Variants in NOL4L observed in about 807,000 individuals in gnomAD.
NOL4L encodes nucleolar protein 4-like.
In NOL4L, 7 loss-of-function variants were observed where a neutral mutation model predicts 64.5. The observed-to-expected ratio is 0.11, with a 90% CI of 0.06 to 0.20. The LOEUF is 0.20. Ranked by LOEUF, NOL4L falls within the 10% of genes least tolerant of loss-of-function variation. NOL4L has a pLI of 1.00. For missense variants in NOL4L, 680 were observed against 967.1 expected, an observed-to-expected ratio of 0.70 and a Z score of 3.94; for synonymous variants, 413 against 401.0, an observed-to-expected ratio of 1.03 and a Z score of -0.36.
At chr20:32,448,243 G>A (rs1408092488) in intron 10 of NOL4L, among the ~76,000 whole-genome samples, 1 of 152,226 alleles carries the variant, frequency 6.6e-6, no homozygotes, top group Admixed American at 6.5e-5. Context: ...CCCAGACACC[G>A]AGGCTGGAAG....
intron 2 of NOL4L, among the ~76,000 whole-genome samples, chr20:32,521,434 C>A (rs966334846): frequency 6.6e-6 from 1 of 152,188 alleles, no homozygotes; most frequent in Admixed American, 6.5e-5. Context: ...TACCAGGCAT[C>A]AGACTTTTCA....
At chr20:32,472,425 C>T (rs1302531431) in intron 5 of NOL4L, among the ~76,000 whole-genome samples, 1 of 152,192 alleles carries the variant, frequency 6.6e-6, no homozygotes, top group Non-Finnish European at 1.5e-5. Flanking sequence ...GGGAGTGGAG[C>T]ACACAGAGGG....
intron 4 of NOL4L, chr20:32,510,555 ACT>A (rs2017352944): frequency 6.4e-6 from 1 of 156,950 alleles, no homozygotes. Context: ...TGGAAGACAG[ACT>A]CGAGTTCTGA....
chr20:32,550,515 G>T (rs2018785912), intron 1 of NOL4L, among the ~76,000 whole-genome samples: 1 of 152,146 alleles, frequency 6.6e-6, no homozygotes, highest in Admixed American at 6.5e-5. Context: ...GGAGGGCGAG[G>T]CGAGCTGATC....
At chr20:32,471,074 C>T (rs1401721533) in intron 5 of NOL4L, among the ~76,000 whole-genome samples, 2 of 152,200 alleles carry the variant, frequency 1.3e-5, no homozygotes, top group East Asian at 3.8e-4. Flanking sequence ...GACCAAGACT[C>T]GCAGCCAGTG....
chr20:32,460,500 G>A lies in NOL4L; in HGVS notation c.842-4105C>T, dbSNP rs987216984. 2.0e-5 allele frequency among the ~76,000 whole-genome samples: 3 copies of A among 152,190 alleles called. No homozygotes were observed. The highest frequency in any genetic ancestry group is 7.2e-5 in the African/African-American group (3 of 41,440). Reference sequence around the variant, plus strand: ...ACTGGGGAGGCCACAGGTTTGAGCCGCGGAGTGGCTGGAAGAGGCTACTCC... The same window carrying A: ...ACTGGGGAGGCCACAGGTTTGAGCCACGGAGTGGCTGGAAGAGGCTACTCC... On this transcript the variant is annotated intron_variant, in intron 5 of 10. Coordinates refer to ENST00000621426, the MANE Select transcript of NOL4L (RefSeq NM_001256798.2). This position sits in a 1 kb window ranked among gnomAD's most constrained non-coding sequence, Gnocchi z 5.7.
intron 1 of NOL4L, among the ~76,000 whole-genome samples, chr20:32,547,681 G>C (rs367872052): frequency 6.6e-6 from 1 of 152,136 alleles, no homozygotes; most frequent in East Asian, 1.9e-4. Context: ...GTTGCAGGTG[G>C]GGACATGCTG....
At chr20:32,583,923 G>A (rs1388890784) in intron 1 of NOL4L, among the ~76,000 whole-genome samples, 1 of 148,778 alleles carries the variant, frequency 6.7e-6, no homozygotes, top group African/African-American at 2.5e-5. Context: ...GGGGGGCTGA[G>A]GGGGCGCCCC....
At chr20:32,570,866 C>T (rs1266238403) in intron 1 of NOL4L, among the ~76,000 whole-genome samples, 5 of 152,158 alleles carry the variant, frequency 3.3e-5, no homozygotes, top group African/African-American at 9.7e-5. Context: ...CAACACTCAC[C>T]GAGCACTCAA....
chr20:32,545,955 T>C (rs1036101037), intron 1 of NOL4L, among the ~76,000 whole-genome samples: 6 of 151,032 alleles, frequency 4.0e-5, no homozygotes, highest in Admixed American at 6.6e-5. Flanking sequence ...CTTTTCTTTT[T>C]TTTTTTTTTT....
chr20:32,552,322 A>G (rs1274709394), intron 1 of NOL4L, among the ~76,000 whole-genome samples: 4 of 152,182 alleles, frequency 2.6e-5, no homozygotes. Flanking sequence ...GGTGACTGGC[A>G]GGCAGGGCCA....
rs112345834 is a variant in NOL4L, at chr20:32,572,007, A to G, written c.321+12563T>C. Among the ~76,000 whole-genome samples the G allele has an allele frequency of 1.5e-3, 223 of 152,242 alleles. 1 individual carries two copies. The highest frequency in any genetic ancestry group is 5.2e-3 in the African/African-American group (215 of 41,528). On this transcript the variant is annotated intron_variant, in intron 1 of 10. Coordinates refer to ENST00000621426, the MANE Select transcript of NOL4L (RefSeq NM_001256798.2). ...TTGTGCCTAATATCCCAAGGTTGGC[A>G]CCCTCTGCCAGGCAGATTCACACCC...
At chr20:32,467,880 G>A (rs2014687570) in intron 5 of NOL4L, among the ~76,000 whole-genome samples, 1 of 152,210 alleles carries the variant, frequency 6.6e-6, no homozygotes, top group African/African-American at 2.4e-5. Context: ...CCGGGCCAAG[G>A]AGAAGAGGCC....
intron 1 of NOL4L, among the ~76,000 whole-genome samples, chr20:32,534,426 C>T (rs955655705): frequency 6.6e-6 from 1 of 152,186 alleles, no homozygotes; most frequent in East Asian, 1.9e-4. Context: ...GTGAGGATGC[C>T]GCTCCATCCC....
At position 32,488,355 on chromosome 20, in the gene NOL4L, T is replaced by G. The variant is rs116414952; in HGVS notation, c.700-13613A>C. On this transcript the variant is annotated intron_variant, in intron 4 of 10. Coordinates refer to ENST00000621426, the MANE Select transcript of NOL4L (RefSeq NM_001256798.2). ...GCAATGCACAGGGCTGTGGAACCAATGGTGCATTGTGGAAATGAGGGTGTG... is the reference window on the plus strand; with the variant it reads ...GCAATGCACAGGGCTGTGGAACCAAGGGTGCATTGTGGAAATGAGGGTGTG... Among the ~76,000 whole-genome samples the G allele has an allele frequency of 3.9e-3, 595 of 152,312 alleles. 3 individuals carry two copies. Among genetic ancestry groups the G allele is most frequent in the Middle Eastern group, 0.014 (4 of 294 alleles).
intron 4 of NOL4L, 89 bp from the exon 5 acceptor site, chr20:32,474,831 G>A: frequency 6.8e-7 from 1 of 1,469,538 alleles, no homozygotes; most frequent in South Asian, 1.4e-5. Context: ...AGGGCCAGTG[G>A]GCGTTTGGGA....
At chr20:32,454,963 T>C (rs1307794940) in intron 6 of NOL4L, among the ~76,000 whole-genome samples, 4 of 152,182 alleles carry the variant, frequency 2.6e-5, no homozygotes, top group Non-Finnish European at 2.9e-5. Context: ...GTTGGTGCCC[T>C]AGGGTCACTG....
intron 3 of NOL4L, among the ~76,000 whole-genome samples, chr20:32,513,690 C>T (rs2017514766): frequency 1.3e-5 from 2 of 152,064 alleles, no homozygotes; most frequent in Admixed American, 1.3e-4. Context: ...TAGTGAGTCC[C>T]TCGTCTCTAC....
chr20:32,466,400 C>A (rs748196593), intron 5 of NOL4L, among the ~76,000 whole-genome samples: 5 of 152,186 alleles, frequency 3.3e-5, no homozygotes, highest in African/African-American at 4.8e-5. Flanking sequence ...GGTGCTGTCT[C>A]CCAGCGTCTC....
Sources: gnomAD v4.1 joint callset for allele counts (sites outside exome capture counted in the v4.1 genomes callset) on GRCh38, gnomAD v4.1.1 for gene constraint, Gnocchi (gnomAD v3.1) non-coding constraint, MANE v1.5 for transcripts, NCBI Gene and HGNC (gene_info 2026-07-23, HGNC 2026-07-21) for gene names.